The following COMMD10 variants were observed in gnomAD, a reference collection of about 807,000 sequenced individuals.
COMMD10 encodes the protein COMM domain-containing protein 10.
COMMD10 carries 33 observed loss-of-function variants against 28.9 expected under a neutral mutation model. The observed-to-expected ratio is 1.14, with a 90% CI of 0.87 to 1.53. COMMD10 has a LOEUF of 1.53. Ranked by LOEUF, COMMD10 falls within the 40% of genes most tolerant of loss-of-function variation. COMMD10 has a pLI of 0.00. For synonymous variants in COMMD10, 110 were observed against 81.7 expected (o/e 1.35, Z -1.87); for missense variants, 310 against 233.4 (o/e 1.33, Z -2.14).
intron 3 of COMMD10, 116 bp from the exon 4 acceptor site, chr5:116,092,429 G>T (rs1373289090): frequency 4.8e-6 from 3 of 622,068 alleles, no homozygotes; most frequent in South Asian, 3.5e-5. Flanking sequence ...TTGGTAATAG[G>T]ACTATGAAGT....
intron 4 of COMMD10, among the ~76,000 whole-genome samples, chr5:116,104,676 G>A (rs1174920296): frequency 6.6e-6 from 1 of 151,490 alleles, no homozygotes; most frequent in Non-Finnish European, 1.5e-5. Context: ...CTGGAGTGCA[G>A]TGGCACGATG....
chr5:116,222,169 C>T (rs930582491), intron 5 of COMMD10, among the ~76,000 whole-genome samples: 1 of 152,174 alleles, frequency 6.6e-6, no homozygotes, highest in Admixed American at 6.6e-5. Flanking sequence ...TAACTTCTTA[C>T]TCTCTTCAGT....
At chr5:116,215,241 A>G (rs1350520608) in intron 5 of COMMD10, among the ~76,000 whole-genome samples, 1 of 152,090 alleles carries the variant, frequency 6.6e-6, no homozygotes, top group Non-Finnish European at 1.5e-5. Flanking sequence ...AGAAAAAGAA[A>G]TGAATAGTTG....
intron 4 of COMMD10, among the ~76,000 whole-genome samples, chr5:116,118,249 C>G (rs934857269): frequency 6.6e-6 from 1 of 152,102 alleles, no homozygotes; most frequent in Non-Finnish European, 1.5e-5. Context: ...TTATTTTTCT[C>G]CATAATATTT....
chr5:116,290,895 T>A (rs1751343222), intron 5 of COMMD10, among the ~76,000 whole-genome samples: 1 of 152,186 alleles, frequency 6.6e-6, no homozygotes, highest in South Asian at 2.1e-4. Context: ...CATACATACA[T>A]ATACAATATT....
intron 5 of COMMD10, among the ~76,000 whole-genome samples, chr5:116,244,012 G>C (rs2112665922): frequency 6.6e-6 from 1 of 152,190 alleles, no homozygotes; most frequent in African/African-American, 2.4e-5. Flanking sequence ...CTGAAAAGCT[G>C]TTTCTACTAA....
At chr5:116,197,643 A>G (rs563866805) in intron 5 of COMMD10, among the ~76,000 whole-genome samples, 97 of 152,174 alleles carry the variant, frequency 6.4e-4, no homozygotes, top group Non-Finnish European at 1.2e-3. Context: ...CGGCCTCCCT[A>G]CGTTCTGGGA....
chr5:116,235,763 C>T (rs1237895012), intron 5 of COMMD10, among the ~76,000 whole-genome samples: 2 of 152,112 alleles, frequency 1.3e-5, no homozygotes, highest in African/African-American at 4.8e-5. Flanking sequence ...CTTTTTCCCT[C>T]CTTGGAATCT....
At chr5:116,154,583 T>C (rs771547961) in intron 5 of COMMD10, among the ~76,000 whole-genome samples, 2 of 152,114 alleles carry the variant, frequency 1.3e-5, no homozygotes, top group Non-Finnish European at 2.9e-5. Flanking sequence ...AGCTCTGATA[T>C]AAAAATTCTT....
At chr5:116,168,227 A>T (rs575004532) in intron 5 of COMMD10, among the ~76,000 whole-genome samples, 1 of 152,090 alleles carries the variant, frequency 6.6e-6, no homozygotes, top group Admixed American at 6.5e-5. Context: ...ACAAAGATCA[A>T]AAAAGACAAA....
At position 116,093,884 on chromosome 5, in the gene COMMD10, C is replaced by T. The variant is rs115665491; in HGVS notation, c.399+1184C>T. 7.2e-3 allele frequency among the ~76,000 whole-genome samples: 1,096 copies of T among 152,170 alleles called. 13 individuals carry two copies. The highest frequency in any genetic ancestry group is 0.025 in the African/African-American group (1,021 of 41,514). Reference sequence around the variant, plus strand: ...AGAAGTAAACCCATGTATTTATAGCCAACTGATTTATTACAAAGTTGCCAA... The same window carrying T: ...AGAAGTAAACCCATGTATTTATAGCTAACTGATTTATTACAAAGTTGCCAA... On this transcript the variant is annotated intron_variant, in intron 4 of 6. Transcript: ENST00000274458.
chr5:116,129,066 C>T (rs189896177), intron 4 of COMMD10, among the ~76,000 whole-genome samples: 31 of 151,762 alleles, frequency 2.0e-4, no homozygotes, highest in African/African-American at 7.5e-4. Flanking sequence ...TGTAAACATA[C>T]AATTCCACGT....
chr5:116,154,389 G>T (rs1752637532), intron 5 of COMMD10, among the ~76,000 whole-genome samples: 1 of 152,238 alleles, frequency 6.6e-6, no homozygotes, highest in East Asian at 1.9e-4. Context: ...TAGCATAAAA[G>T]TTACTTGCAT....
At chr5:116,094,032 T>C (rs960792305) in intron 4 of COMMD10, among the ~76,000 whole-genome samples, 1 of 152,242 alleles carries the variant, frequency 6.6e-6, no homozygotes, top group South Asian at 2.1e-4. Context: ...CAAAATTGAT[T>C]AAAGACTTAA....
intron 5 of COMMD10, among the ~76,000 whole-genome samples, chr5:116,136,484 G>A (rs548098102): frequency 9.8e-5 from 15 of 152,298 alleles, no homozygotes; most frequent in African/African-American, 3.6e-4. Context: ...ACATACATTG[G>A]ATATGCTTTA....
chr5:116,129,907 T>C (rs1448160960), intron 4 of COMMD10, among the ~76,000 whole-genome samples: 1 of 150,128 alleles, frequency 6.7e-6, no homozygotes, highest in Non-Finnish European at 1.5e-5. Flanking sequence ...CCTTTCTATA[T>C]TTTCTATTCA....
chr5:116,242,425 A>AT (rs1749836591), intron 5 of COMMD10, among the ~76,000 whole-genome samples: 1 of 152,188 alleles, frequency 6.6e-6, no homozygotes, highest in African/African-American at 2.4e-5. Context: ...CGTGCAAGTC[A>AT]TTTTAACAGT....
intron 4 of COMMD10, among the ~76,000 whole-genome samples, chr5:116,095,567 A>C (rs571099383): frequency 1.3e-5 from 2 of 151,798 alleles, no homozygotes; most frequent in African/African-American, 4.8e-5. Context: ...ATTTTCTCCT[A>C]ATCTGTAGCT....
chr5:116,203,181 G>A (rs1748716872), intron 5 of COMMD10, among the ~76,000 whole-genome samples: 1 of 152,142 alleles, frequency 6.6e-6, no homozygotes. Flanking sequence ...GAGAAGGAAA[G>A]TTTAGAGAAA....
Sources: allele counts gnomAD v4.1 joint callset (sites outside exome capture counted in the v4.1 genomes callset), GRCh38; gene constraint gnomAD v4.1.1; transcripts MANE v1.5; gene names NCBI Gene and HGNC (gene_info 2026-07-23, HGNC 2026-07-21).